The following MGAT4C variants were observed in gnomAD, a reference collection of about 807,000 sequenced individuals.
MGAT4C encodes alpha-1,3-mannosyl-glycoprotein 4-beta-N-acetylglucosaminyltransferase C.
MGAT4C carries 19 observed loss-of-function variants against 40.1 expected under a neutral mutation model. That is an observed-to-expected ratio of 0.47 (90% CI 0.33 to 0.70). The LOEUF (loss-of-function observed/expected upper bound fraction) is 0.70. Among genes scored for constraint, MGAT4C ranks in the 30% least tolerant of loss-of-function variants. The pLI, the probability that MGAT4C is intolerant of heterozygous loss-of-function variation, is 0.02. For synonymous variants in MGAT4C, 181 were observed against 187.1 expected (o/e 0.97, Z 0.27); for missense variants, 491 against 563.2 (o/e 0.87, Z 1.30).
intron 2 of MGAT4C, among the ~76,000 whole-genome samples, chr12:86,007,537 T>C (rs1888018245): frequency 6.6e-6 from 1 of 152,052 alleles, no homozygotes; most frequent in South Asian, 2.1e-4. Context: ...TAAACAAGAA[T>C]AAGTTTTCTC....
chr12:86,656,902 T>A (rs1963864284), intron 2 of MGAT4C, among the ~76,000 whole-genome samples: 1 of 152,092 alleles, frequency 6.6e-6, no homozygotes, highest in African/African-American at 2.4e-5. Context: ...TTTTCTTAAT[T>A]TTTGTTTAAA....
chr12:86,724,928 T>G (rs1217237982), intron 2 of MGAT4C, among the ~76,000 whole-genome samples: 1 of 151,710 alleles, frequency 6.6e-6, no homozygotes, highest in Non-Finnish European at 1.5e-5. Context: ...CTATATGAGG[T>G]AATGCATTTT....
chr12:86,370,353 A>G (rs372737637), intron 3 of MGAT4C, among the ~76,000 whole-genome samples: 7 of 152,230 alleles, frequency 4.6e-5, no homozygotes, highest in African/African-American at 1.7e-4. Flanking sequence ...AGATATCTTC[A>G]GCATGAGAAA....
chr12:86,459,201 T>C lies in MGAT4C; in HGVS notation c.-228-23936A>G, dbSNP rs537423611. The stretch of plus-strand genomic sequence containing the variant: ...AAACATAGCTTTATGCTATCTTTAT[T>C]AGCATAACATGTTTCTAAAATGGGC... On this transcript the variant is annotated intron_variant, in intron 2 of 7. Transcript: ENST00000548651. 3.3e-5 allele frequency among the ~76,000 whole-genome samples: 5 copies of C among 152,272 alleles called. No individual in the cohort carries two copies. The South Asian group carries it at 1.0e-3, about 32-fold the overall frequency.
At chr12:86,334,979 T>C (rs937075685) in intron 3 of MGAT4C, among the ~76,000 whole-genome samples, 1 of 152,072 alleles carries the variant, frequency 6.6e-6, no homozygotes, top group African/African-American at 2.4e-5. Flanking sequence ...TTCAGAAAAA[T>C]TCATTTGAAT....
chr12:86,163,185 A>G (rs1245383311), intron 1 of MGAT4C, among the ~76,000 whole-genome samples: 1 of 152,016 alleles, frequency 6.6e-6, no homozygotes, highest in Non-Finnish European at 1.5e-5. Context: ...ATAGAACAAC[A>G]ATTAGAAATC....
At chr12:86,618,898 A>G (rs1962548498) in intron 2 of MGAT4C, among the ~76,000 whole-genome samples, 1 of 152,140 alleles carries the variant, frequency 6.6e-6, no homozygotes, top group Non-Finnish European at 1.5e-5. Context: ...TGATCATTAC[A>G]CTTTCTATGC....
In MGAT4C at chr12:86,460,149, T is replaced by C. The variant is rs1957576433; in HGVS notation, c.-228-24884A>G. On this transcript the variant is annotated intron_variant, in intron 2 of 7. Coordinates refer to the MGAT4C transcript ENST00000548651. ...GATTGCTTGAGCCCATGAGTTTGAA[T>C]ACAGCCTGAGCAACATACTGAGACC... Among the ~76,000 whole-genome samples the C allele has an allele frequency of 2.0e-5, 3 of 151,972 alleles. No homozygotes were observed. In the South Asian group the frequency reaches 6.2e-4, roughly 32 times the overall value.
chr12:86,387,295 T>G (rs2136225162), intron 3 of MGAT4C, among the ~76,000 whole-genome samples: 1 of 152,228 alleles, frequency 6.6e-6, no homozygotes, highest in African/African-American at 2.4e-5. Flanking sequence ...GATTCATGTA[T>G]AATATTTGAT....
At chr12:86,109,711 A>T (rs1040962157) in intron 1 of MGAT4C, among the ~76,000 whole-genome samples, 2 of 152,054 alleles carry the variant, frequency 1.3e-5, no homozygotes, top group Non-Finnish European at 2.9e-5. Context: ...AATATTTATT[A>T]TGTCTACCAT....
chr12:86,730,657 G>A (rs1025950237), intron 1 of MGAT4C, among the ~76,000 whole-genome samples: 1 of 152,016 alleles, frequency 6.6e-6, no homozygotes, highest in Admixed American at 6.6e-5. Context: ...AGGATCTCCT[G>A]CTATTGCAGA....
intron 1 of MGAT4C, among the ~76,000 whole-genome samples, chr12:86,228,518 A>G (rs946328002): frequency 1.3e-5 from 2 of 151,898 alleles, no homozygotes; most frequent in African/African-American, 2.4e-5. Context: ...GCAGCTTTCA[A>G]TGAATCAGGG....
At position 86,329,296 on chromosome 12, in the gene MGAT4C, C is replaced by A. The variant is rs1184028939; in HGVS notation, c.-57+4769G>T. Among the ~76,000 whole-genome samples the A allele has an allele frequency of 2.6e-5, 4 of 152,190 alleles. No individual in the cohort carries two copies. The Middle Eastern group carries it at 0.01, about 388-fold the overall frequency. ...TGGTGGCTCACGCCTGTAATCCCAG[C>A]ACTTTGGGATTTACTTTCTATGTTT... On this transcript the variant is annotated intron_variant, in intron 4 of 7. Coordinates refer to the MGAT4C transcript ENST00000548651.
intron 3 of MGAT4C, among the ~76,000 whole-genome samples, chr12:86,378,583 TG>T (rs1325338854): frequency 6.6e-6 from 1 of 152,142 alleles, no homozygotes; most frequent in Admixed American, 6.5e-5. Context: ...CTTAAAGGAC[TG>T]GGGATAAGCA....
intron 2 of MGAT4C, among the ~76,000 whole-genome samples, chr12:86,581,167 C>G (rs968706860): frequency 2.6e-5 from 4 of 151,418 alleles, no homozygotes; most frequent in African/African-American, 9.7e-5. Context: ...GGGCATACTT[C>G]CTTTGCTTTA....
At chr12:86,497,956 A>T (rs1347361183) in intron 2 of MGAT4C, among the ~76,000 whole-genome samples, 1 of 145,236 alleles carries the variant, frequency 6.9e-6, no homozygotes, top group East Asian at 2.0e-4. Context: ...TATATAAAAT[A>T]TATATTATAA....
intron 2 of MGAT4C, among the ~76,000 whole-genome samples, chr12:86,626,703 A>G (rs1962816075): frequency 6.6e-6 from 1 of 152,244 alleles, no homozygotes; most frequent in South Asian, 2.1e-4. Context: ...CACATTACTA[A>G]ATAAATGGTA....
chr12:86,529,090 A>G (rs1013890378), intron 2 of MGAT4C, among the ~76,000 whole-genome samples: 38 of 152,180 alleles, frequency 2.5e-4, no homozygotes, highest in Non-Finnish European at 4.4e-4. Context: ...AAAAATGGGA[A>G]TGGTTTTCCT....
intron 3 of MGAT4C, among the ~76,000 whole-genome samples, chr12:85,983,945 A>AC (rs1353946851): frequency 6.6e-6 from 1 of 152,102 alleles, no homozygotes; most frequent in Non-Finnish European, 1.5e-5. Flanking sequence ...ATAATCTCTT[A>AC]AAAAAAGAAT....
Sources: allele counts gnomAD v4.1 joint callset (sites outside exome capture counted in the v4.1 genomes callset), GRCh38; gene constraint gnomAD v4.1.1; transcripts MANE v1.5; gene names NCBI Gene and HGNC (gene_info 2026-07-23, HGNC 2026-07-21).